Variants in WDSUB1 observed in about 807,000 individuals in gnomAD.
The protein encoded by WDSUB1 is WD repeat, SAM and U-box domain-containing protein 1.
In WDSUB1, 49 loss-of-function variants were observed where a neutral mutation model predicts 53.9. The ratio of observed to expected loss-of-function variants is 0.91; its 90% CI spans 0.72 to 1.15. The LOEUF (loss-of-function observed/expected upper bound fraction) is 1.15, where lower values mean the gene tolerates loss of function less well. Ranked by LOEUF, WDSUB1 falls within the 50% of genes most tolerant of loss-of-function variation. The probability of loss-of-function intolerance (pLI) is 0.00; values close to 1 mark genes in which losing one functional copy is unlikely to be tolerated. For missense variants in WDSUB1, 514 were observed against 562.0 expected (o/e 0.91, Z 0.86); for synonymous variants, 194 against 200.6 (o/e 0.97, Z 0.28).
chr2:159,263,193 CTT>C (rs1181442081), intron 5 of WDSUB1, among the ~76,000 whole-genome samples: 1 of 152,196 alleles, frequency 6.6e-6, no homozygotes, highest in Non-Finnish European at 1.5e-5. Context: ...TCAAAACTAA[CTT>C]TGTACAATGG....
chr2:159,239,058 G>C (rs1275088938), intron 10 of WDSUB1, among the ~76,000 whole-genome samples: 1 of 152,172 alleles, frequency 6.6e-6, no homozygotes, highest in Non-Finnish European at 1.5e-5. Flanking sequence ...CTAGAGTCCA[G>C]TGACATGACG....
chr2:159,275,719 C>G (rs2061526851), intron 3 of WDSUB1, 81 bp from the exon 4 acceptor site: 38 of 1,035,470 alleles, frequency 3.7e-5, no homozygotes, highest in Non-Finnish European at 5.2e-5. Flanking sequence ...ATACTAAGAT[C>G]TATTAATTCT....
chr2:159,256,407 C>CA (rs1559542067), intron 8 of WDSUB1, 32 bp from the exon 9 acceptor site: 8 of 1,564,542 alleles, frequency 5.1e-6, no homozygotes, highest in Non-Finnish European at 6.9e-6. Context: ...AGTGAGATAA[C>CA]AAAAAAGTAT....
intron 10 of WDSUB1, among the ~76,000 whole-genome samples, chr2:159,239,994 T>TTTGTGGTTCTTGGTATATTTCA (rs1243738878): frequency 3.3e-5 from 5 of 152,160 alleles, no homozygotes; most frequent in Admixed American, 3.3e-4. Context: ...AATGCACCCA[T>TTTGTGGTTCTTGGTATATTTCA]TTGTGGTTCT....
intron 9 of WDSUB1, 99 bp downstream of exon 9, chr2:159,256,097 C>T: frequency 8.6e-7 from 1 of 1,156,274 alleles, no homozygotes; most frequent in East Asian, 2.5e-5. Context: ...TAGTGTAGTG[C>T]CAGAACATTA....
intron 4 of WDSUB1, among the ~76,000 whole-genome samples, chr2:159,272,438 A>G (rs1183793332): frequency 6.6e-6 from 1 of 152,172 alleles, no homozygotes; most frequent in Non-Finnish European, 1.5e-5. Flanking sequence ...GCACATTGTC[A>G]TAGAGTCGGG....
chr2:159,253,698 A>G (rs574356021), intron 9 of WDSUB1, among the ~76,000 whole-genome samples: 4 of 152,362 alleles, frequency 2.6e-5, no homozygotes, highest in African/African-American at 7.2e-5. Context: ...ATAGATATGC[A>G]TTAAAAAAGC....
chr2:159,271,634 G>T, intron 5 of WDSUB1, 68 bp downstream of exon 5: 1 of 1,316,492 alleles, frequency 7.6e-7, no homozygotes, highest in Non-Finnish European at 1.1e-6. Context: ...GAGGTTTCAT[G>T]TACTTTTCCG....
At chr2:159,264,335 A>C (rs936904887) in intron 5 of WDSUB1, among the ~76,000 whole-genome samples, 9 of 152,236 alleles carry the variant, frequency 5.9e-5, no homozygotes, top group Non-Finnish European at 1.3e-4. Context: ...ACTGTTAGCA[A>C]TATTGTAGAG....
Position 159,282,792 on chromosome 2 carries a change from T to C in WDSUB1, c.278A>G (p.Glu93Gly). 1 of 1,614,198 alleles carries C rather than the reference T, an allele frequency of 6.2e-7. No homozygotes were observed. The highest frequency in any genetic ancestry group is 8.5e-7 in the Non-Finnish European group (1 of 1,180,028). ...CCTCACAGGGCTGCCACTAGGCTGT[T>C]CCATCACTGCCAGCATCTGTCCATT... The part of the protein sequence containing the change: ...TENGQMLAVM[E>G]QPSGSPVRVC... Residue 93 changes from glutamate (E) to glycine (G), a missense_variant, in exon 2 of 11, where the codon GAA becomes GGA. Physicochemically the swap from Glu to Gly is moderately conservative, Grantham distance 98. Transcript: ENST00000359774.
Position 159,260,259 on chromosome 2 carries a change from C to T in WDSUB1, c.771-416G>A, listed in dbSNP as rs1310745119. 2.0e-5 allele frequency among the ~76,000 whole-genome samples: 3 copies of T among 152,098 alleles called. No homozygotes were observed. The East Asian group carries it at 5.8e-4, about 29-fold the overall frequency. On this transcript the variant is annotated intron_variant, in intron 5 of 10. Coordinates refer to ENST00000359774, the MANE Select transcript of WDSUB1 (RefSeq NM_001128212.3). ...GGTGGAGGTTACAATGAGCCAAGATCATGCCACTGTACTCCAGCCTGGGTG... is the reference window on the plus strand; with the variant it reads ...GGTGGAGGTTACAATGAGCCAAGATTATGCCACTGTACTCCAGCCTGGGTG...
chr2:159,267,323 C>T (rs1346462049), intron 5 of WDSUB1, among the ~76,000 whole-genome samples: 3 of 148,420 alleles, frequency 2.0e-5, no homozygotes, highest in African/African-American at 5.0e-5. Context: ...TTTAAAGAGA[C>T]AAGTTCTGAC....
chr2:159,241,767 C>T (rs2060655512), intron 10 of WDSUB1, among the ~76,000 whole-genome samples: 1 of 130,558 alleles, frequency 7.7e-6, no homozygotes, highest in Non-Finnish European at 1.6e-5. Flanking sequence ...GGCTAGAGTG[C>T]AGTGGCATGA....
At chr2:159,275,679 A>G in intron 3 of WDSUB1, 41 bp from the exon 4 acceptor site, 1 of 1,440,220 alleles carries the variant, frequency 6.9e-7, no homozygotes, top group Non-Finnish European at 9.3e-7. Flanking sequence ...TTTGTAAAAC[A>G]CTGAAACCCC....
chr2:159,252,924 A>T (rs559333401), intron 9 of WDSUB1, among the ~76,000 whole-genome samples: 4 of 152,304 alleles, frequency 2.6e-5, no homozygotes, highest in South Asian at 4.1e-4. Context: ...AATTATCTGA[A>T]TTTCATAAAT....
At chr2:159,284,902 T>C (rs1419516456) in intron 1 of WDSUB1, among the ~76,000 whole-genome samples, 1 of 152,200 alleles carries the variant, frequency 6.6e-6, no homozygotes, top group Non-Finnish European at 1.5e-5. Flanking sequence ...AGCTGAAATG[T>C]TCTTGCCTCT....
At chr2:159,269,566 A>C (rs1212409393) in intron 5 of WDSUB1, among the ~76,000 whole-genome samples, 2 of 152,206 alleles carry the variant, frequency 1.3e-5, no homozygotes, top group South Asian at 2.1e-4. Flanking sequence ...CAAAAACCTC[A>C]AAACAGAAAA....
At chr2:159,285,414 GAA>G (rs35321223) in intron 1 of WDSUB1, among the ~76,000 whole-genome samples, 2 of 150,740 alleles carry the variant, frequency 1.3e-5, no homozygotes, top group South Asian at 4.2e-4. Context: ...CTCTACCAAA[GAA>G]AAAAAAAGTC....
intron 10 of WDSUB1, among the ~76,000 whole-genome samples, chr2:159,241,147 T>C (rs1257267928): frequency 6.6e-6 from 1 of 152,128 alleles, no homozygotes; most frequent in African/African-American, 2.4e-5. Flanking sequence ...CAGATCAGGT[T>C]TAGGAGGTTT....
Sources: allele counts gnomAD v4.1 joint callset (sites outside exome capture counted in the v4.1 genomes callset), GRCh38; gene constraint gnomAD v4.1.1; transcripts MANE v1.5; gene names NCBI Gene and HGNC (gene_info 2026-07-23, HGNC 2026-07-21).